Variants in FCN3 observed in about 807,000 individuals in gnomAD.
The protein encoded by FCN3 is ficolin 3, also known as ficolin-3.
In FCN3, 28 loss-of-function variants were observed where a neutral mutation model predicts 31.5. The ratio of observed to expected loss-of-function variants is 0.89; its 90% CI spans 0.66 to 1.22. FCN3 has a LOEUF of 1.22. FCN3 is among the 50% of genes most tolerant of loss of function. FCN3 has a pLI of 0.00. For missense variants in FCN3, 351 were observed against 386.8 expected (o/e 0.91, Z 0.78); for synonymous variants, 124 against 147.4 (o/e 0.84, Z 1.15).
In FCN3 at chr1:27,372,851, C is replaced by T. The variant is rs112471839; in HGVS notation, c.393+285G>A. Among the ~76,000 whole-genome samples the T allele has an allele frequency of 2.3e-3, 335 of 147,442 alleles. 2 individuals carry two copies. Among genetic ancestry groups the T allele is most frequent in the Non-Finnish European group, 2.2e-3 (145 of 67,206 alleles). ...GGAGTGCAATGGCAAGAACTCGGCTCACTGCAACCTCCACCTCCTGGGTTC... is the reference window on the plus strand; with the variant it reads ...GGAGTGCAATGGCAAGAACTCGGCTTACTGCAACCTCCACCTCCTGGGTTC... On this transcript the variant is annotated intron_variant, in intron 5 of 7. Coordinates refer to ENST00000270879, the MANE Select transcript of FCN3 (RefSeq NM_003665.4).
Position 27,373,197 on chromosome 1 carries a change from A to G in FCN3, c.332T>C (p.Leu111Pro), listed in dbSNP as rs1209115048. The change falls in exon 5 of 8, where the codon CTA (leucine) becomes CCA (proline). Residue 111 changes from leucine (L) to proline (P), a missense_variant. Leu to Pro is a moderately conservative substitution (Grantham distance 98). Transcript: ENST00000270879. ...ATLSGWYHLCLPEGRALPVFC... is the reference protein window; with the variant it reads ...ATLSGWYHLCPPEGRALPVFC... ...GACTGGGAGGGCCCTGCCCTCAGGT[A>G]GGCACAGATGGTACCAGCCGCTCAA... 1 of 1,614,028 alleles carries G rather than the reference A, an allele frequency of 6.2e-7. No individual in the cohort carries two copies. Among genetic ancestry groups the G allele is most frequent in the East Asian group, 2.2e-5 (1 of 44,864 alleles).
At chr1:27,370,168 G>A (rs901879351) in intron 7 of FCN3, among the ~76,000 whole-genome samples, 2 of 152,022 alleles carry the variant, frequency 1.3e-5, no homozygotes, top group African/African-American at 4.8e-5. Flanking sequence ...CACCACGCCC[G>A]GCTAATTTTT....
Position 27,374,374 on chromosome 1 carries a change from C to G in FCN3, c.169G>C (p.Gly57Arg). The change falls in exon 2 of 8, where the codon GGA (glycine) becomes CGA (arginine). Residue 57 changes from glycine to arginine, a missense_variant. Coordinates refer to ENST00000270879, the MANE Select transcript of FCN3 (RefSeq NM_003665.4). Reference sequence around the variant, plus strand: ...CTCTCACCTTGAGGACCTGGGGCTCCCTTCTCCCCAGGACTTCCTGGAGCT... The same window carrying G: ...CTCTCACCTTGAGGACCTGGGGCTCGCTTCTCCCCAGGACTTCCTGGAGCT... ...PGAPGSPGEKGAPGPQGPPGP... is the reference protein window; with the variant it reads ...PGAPGSPGEKRAPGPQGPPGP... The G allele has an allele frequency of 6.2e-7, 1 of 1,613,122 alleles. No homozygotes were observed. Among genetic ancestry groups the G allele is most frequent in the Non-Finnish European group, 8.5e-7 (1 of 1,179,270 alleles).
intron 3 of FCN3, 166 bp from the exon 4 acceptor site, chr1:27,373,686 C>T: frequency 4.1e-6 from 3 of 725,046 alleles, no homozygotes; most frequent in South Asian, 1.7e-5. Context: ...TTCTCCTAAT[C>T]CTCTCCACTC....
Position 27,373,182 on chromosome 1 carries a change from GC to G in FCN3, c.346del (p.Ala116ProfsTer66). On this transcript the variant is annotated frameshift_variant, in exon 5 of 8. Coordinates refer to ENST00000270879, the MANE Select transcript of FCN3 (RefSeq NM_003665.4). LOFTEE classifies it high-confidence loss of function. ...GTCCATGTCACAAAAGACTGGGAGG[GC>G]CCTGCCCTCAGGTAGGCACAGATGG... ...WYHLCLPEGR[A>X]LPVFCDMDTE... 1.2e-6 allele frequency: 2 copies of G among 1,613,102 alleles called. No individual in the cohort carries two copies. Among genetic ancestry groups the G allele is most frequent in the South Asian group, 1.1e-5 (1 of 91,054 alleles).
At chr1:27,373,319 C>T (rs543381876) in intron 4 of FCN3, 56 bp from the exon 5 acceptor site, 18 of 1,609,880 alleles carry the variant, frequency 1.1e-5, no homozygotes, top group East Asian at 1.1e-4. Context: ...GACCCCCACC[C>T]CCAGGCACTG....
chr1:27,374,446 T>A lies in FCN3; in HGVS notation c.97A>T (p.Arg33Trp), dbSNP rs373383746. 11 of 1,612,652 alleles carry A rather than the reference T, an allele frequency of 6.8e-6. No individual in the cohort carries two copies. Among genetic ancestry groups the A allele is most frequent in the African/African-American group, 1.3e-5 (1 of 74,890 alleles). ...ACAACTTTGCTGGCTTCCAGTTCCC[T>A]GGGTCCTACAGGGAGACACAGGCAG... ...TQEHPSCPGPRELEASKVVLL... is the reference protein window; with the variant it reads ...TQEHPSCPGPWELEASKVVLL... The change falls in exon 2 of 8, where the codon AGG becomes TGG. Residue 33 changes from arginine (R) to tryptophan (W), a missense_variant. Coordinates refer to ENST00000270879, the MANE Select transcript of FCN3 (RefSeq NM_003665.4).
At chr1:27,373,437 AC>A (rs2016188499) in intron 4 of FCN3, 50 bp downstream of exon 4, 3 of 1,606,628 alleles carry the variant, frequency 1.9e-6, no homozygotes, top group Non-Finnish European at 2.6e-6. Flanking sequence ...GTCTGCCAAC[AC>A]CCAACACCAT....
At chr1:27,369,802 G>A (rs1040385420) in intron 7 of FCN3, among the ~76,000 whole-genome samples, 1 of 151,826 alleles carries the variant, frequency 6.6e-6, no homozygotes, top group African/African-American at 2.4e-5. Context: ...AAGCTGGGAG[G>A]AACCTCTTAG....
intron 6 of FCN3, 52 bp downstream of exon 6, chr1:27,370,791 T>G: frequency 6.2e-7 from 1 of 1,611,144 alleles, no homozygotes; most frequent in South Asian, 1.1e-5. Flanking sequence ...GGGCAGGGAT[T>G]CAGGATGGCA....
Position 27,369,140 on chromosome 1 carries a change from AT to A in FCN3, c.*95del. ...AGGGCTAAAATGATTTTATTTTTAA[AT>A]GTGGACAGGCAAGCAGAGGTGGTTG... On this transcript the variant is annotated 3_prime_UTR_variant, in exon 8 of 8. Coordinates refer to ENST00000270879, the MANE Select transcript of FCN3 (RefSeq NM_003665.4). The A allele has an allele frequency of 1.4e-6, 2 of 1,428,650 alleles. No individual in the cohort carries two copies. The highest frequency in any genetic ancestry group is 1.9e-6 in the Non-Finnish European group (2 of 1,033,128). 88.5% of individuals were successfully genotyped at this position (1,428,650 alleles called of 1,614,324 possible).
Position 27,370,980 on chromosome 1 carries a change from AGG to A in FCN3, c.394-10_394-9del, listed in dbSNP as rs377733543. ...CTGGCGCCTCTGAAACACCTGGGGGAGGGGGGGCACAGCAGCTATTACTCCAG... is the reference window on the plus strand; with the variant it reads ...CTGGCGCCTCTGAAACACCTGGGGGAGGGGGCACAGCAGCTATTACTCCAG... On this transcript the variant is annotated splice_polypyrimidine_tract_variant and intron_variant, in intron 5 of 7. Transcript: ENST00000270879. The A allele has an allele frequency of 1.2e-6, 2 of 1,600,612 alleles. No individual in the cohort carries two copies. Among genetic ancestry groups the A allele is most frequent in the Non-Finnish European group, 1.7e-6 (2 of 1,174,092 alleles).
rs755762104 is a variant in FCN3 at position 27,374,458 on chromosome 1, G to A, written c.92-7C>T. ...GCTTCCAGTTCCCTGGGTCCTACAG[G>A]GAGACACAGGCAGGGTGGGCACAGG... On this transcript the variant is annotated splice_region_variant and splice_polypyrimidine_tract_variant and intron_variant, in intron 1 of 7. Transcript: ENST00000270879. 2 of 1,597,304 alleles carry A rather than the reference G, an allele frequency of 1.3e-6. No homozygotes were observed. The highest frequency in any genetic ancestry group is 3.3e-5 in the Admixed American group (2 of 59,968).
At chr1:27,374,589 T>G in intron 1 of FCN3, 138 bp from the exon 2 acceptor site, 4 of 750,946 alleles carry the variant, frequency 5.3e-6, no homozygotes, top group East Asian at 5.5e-5. Context: ...GTGCTTTGCA[T>G]CCATTTGCAT....
chr1:27,370,834 G>A lies in FCN3; in HGVS notation c.523+9C>T. 1 of 1,613,820 alleles carries A rather than the reference G, an allele frequency of 6.2e-7. No homozygotes were observed. Among genetic ancestry groups the A allele is most frequent in the Non-Finnish European group, 8.5e-7 (1 of 1,179,808 alleles). ...ACCCCCAGACTCCAGGACCCTGCTG[G>A]GAACTCACCCTGGAGAGTAAGCTGG... On this transcript the variant is annotated intron_variant, in intron 6 of 7. Transcript: ENST00000270879.
chr1:27,369,694 C>A (rs947686491), intron 7 of FCN3, among the ~76,000 whole-genome samples: 3 of 151,854 alleles, frequency 2.0e-5, no homozygotes, highest in Non-Finnish European at 2.9e-5. Context: ...AAGCTCCCAG[C>A]TTTTCCCCCT....
intron 3 of FCN3, 98 bp downstream of exon 3, chr1:27,373,867 A>G: frequency 9.5e-7 from 1 of 1,051,424 alleles, no homozygotes; most frequent in Non-Finnish European, 1.4e-6. Context: ...CCCCTGTGAG[A>G]GAGCCATCAT....
intron 6 of FCN3, 41 bp from the exon 7 acceptor site, chr1:27,370,771 C>A: frequency 6.2e-7 from 1 of 1,612,144 alleles, no homozygotes; most frequent in Non-Finnish European, 8.5e-7. Context: ...ATCCTCAGTT[C>A]TTGGGGGTGG....
rs150808590 is a variant in FCN3 at position 27,373,148 on chromosome 1, C to T, written c.381G>A (p.Gly127=). 2.5e-6 allele frequency: 4 copies of T among 1,613,792 alleles called. No homozygotes were observed. Among genetic ancestry groups the T allele is most frequent in the Non-Finnish European group, 2.5e-6 (3 of 1,179,940 alleles). Residue 127 remains glycine, a synonymous_variant, in exon 5 of 8, where the codon GGG becomes GGA. Transcript: ENST00000270879. ...CTCAGACACTCACCAGCCAGCCGCC[C>T]CCCTCGGTGTCCATGTCACAAAAGA... is the stretch of plus-strand genomic sequence containing the variant. ...LPVFCDMDTE[G]GGWLVFQRRQ...
Sources: gnomAD v4.1 joint callset for allele counts (sites outside exome capture counted in the v4.1 genomes callset) on GRCh38, gnomAD v4.1.1 for gene constraint, MANE v1.5 for transcripts, NCBI Gene and HGNC (gene_info 2026-07-23, HGNC 2026-07-21) for gene names.